The following SAMD12 variants were observed in gnomAD, a reference collection of about 807,000 sequenced individuals.
SAMD12 encodes sterile alpha motif domain containing 12.
In SAMD12, 9 loss-of-function variants were observed where a neutral mutation model predicts 15.0. That is an observed-to-expected ratio of 0.60 (90% CI 0.36 to 1.05). SAMD12 has a LOEUF of 1.05. SAMD12 is among the 50% of genes least tolerant of loss of function. SAMD12 has a pLI of 0.01. For synonymous variants in SAMD12, 86 were observed against 90.1 expected (o/e 0.96, Z 0.25); for missense variants, 230 against 234.2 (o/e 0.98, Z 0.12).
intron 4 of SAMD12, among the ~76,000 whole-genome samples, chr8:118,306,967 C>G (rs992076269): frequency 6.6e-6 from 1 of 152,172 alleles, no homozygotes. Flanking sequence ...TCTCTGAAAG[C>G]AGGGTAAGAT....
intron 3 of SAMD12, among the ~76,000 whole-genome samples, chr8:118,413,049 G>A (rs1282057632): frequency 6.6e-6 from 1 of 152,112 alleles, no homozygotes; most frequent in African/African-American, 2.4e-5. Context: ...GTCTGCTGGA[G>A]GGCAAGAAGC....
intron 4 of SAMD12, among the ~76,000 whole-genome samples, chr8:118,304,758 T>A (rs952430705): frequency 1.3e-4 from 7 of 53,844 alleles, no homozygotes; most frequent in Admixed American, 5.6e-4. Flanking sequence ...AGACTCCATC[T>A]CATAAATAAA....
chr8:118,155,834 G>A, the SAMD12 span, among the ~76,000 whole-genome samples: 6 of 152,180 alleles, frequency 3.9e-5, no homozygotes, highest in Non-Finnish European at 7.3e-5. Flanking sequence ...AGTTGAATAA[G>A]GTGAAGCAGC....
intron 4 of SAMD12, among the ~76,000 whole-genome samples, chr8:118,251,127 G>A (rs1344466746): frequency 6.6e-6 from 1 of 152,142 alleles, no homozygotes; most frequent in Non-Finnish European, 1.5e-5. Flanking sequence ...TGCCGTGAGT[G>A]AGAAACAGGA....
Position 118,478,532 on chromosome 8 carries a change from T to C in SAMD12, c.193-38571A>G, listed in dbSNP as rs944145968. The stretch of plus-strand genomic sequence containing the variant: ...AAACATTTCTAAAGCACATTAGATA[T>C]AGTAAATAGTCATCATGACAACTCA... On this transcript the variant is annotated intron_variant, in intron 2 of 3. Transcript: ENST00000314727. Among the ~76,000 whole-genome samples, 9 of 152,234 alleles carry C rather than the reference T, an allele frequency of 5.9e-5. No homozygotes were observed. The South Asian group carries it at 6.2e-4, about 11-fold the overall frequency.
chr8:118,259,717 T>A (rs1333317706), intron 4 of SAMD12, among the ~76,000 whole-genome samples: 1 of 152,072 alleles, frequency 6.6e-6, no homozygotes, highest in Non-Finnish European at 1.5e-5. Flanking sequence ...GAGAGTTCAA[T>A]TTTACTGTAC....
intron 4 of SAMD12, among the ~76,000 whole-genome samples, chr8:118,314,783 C>T (rs1330429305): frequency 6.6e-6 from 1 of 151,990 alleles, no homozygotes; most frequent in East Asian, 1.9e-4. Flanking sequence ...ACTGTACATC[C>T]TTACACCCAC....
intron 4 of SAMD12, among the ~76,000 whole-genome samples, chr8:118,260,290 CCTT>C (rs1813047717): frequency 6.6e-6 from 1 of 152,076 alleles, no homozygotes; most frequent in Admixed American, 6.6e-5. Flanking sequence ...TATTCTTCCT[CCTT>C]CTCCCATCAG....
chr8:118,275,100 T>C lies in SAMD12; in HGVS notation c.434-77368A>G, dbSNP rs151002666. 2.0e-5 allele frequency among the ~76,000 whole-genome samples: 3 copies of C among 152,334 alleles called. No homozygotes were observed. In the East Asian group the frequency reaches 5.8e-4, roughly 29 times the overall value. On this transcript the variant is annotated intron_variant, in intron 4 of 4. Transcript: ENST00000409003. The stretch of plus-strand genomic sequence containing the variant: ...GAGAGTGATGTTTGCTCTATGTCTA[T>C]TGTAGACATACTTTATCAGGTTAAG...
chr8:118,571,540 AT>A (rs1212437315), intron 2 of SAMD12, among the ~76,000 whole-genome samples: 1 of 152,196 alleles, frequency 6.6e-6, no homozygotes, highest in East Asian at 1.9e-4. Flanking sequence ...AGTAGGCTGT[AT>A]AAAAAGTGGT....
chr8:118,469,531 T>TATTATATATTATATATAA (rs1230688616), intron 2 of SAMD12, among the ~76,000 whole-genome samples: 1 of 2,698 alleles, frequency 3.7e-4, no homozygotes, highest in Non-Finnish European at 1.7e-3. Flanking sequence ...ATATAATATA[T>TATTATATATTATATATAA]TATATATATT....
intron 2 of SAMD12, among the ~76,000 whole-genome samples, chr8:118,544,672 T>A (rs1163945052): frequency 6.6e-6 from 1 of 152,176 alleles, no homozygotes; most frequent in South Asian, 2.1e-4. Flanking sequence ...CCAAAAACCA[T>A]GCAAGCAGAG....
At chr8:118,480,694 C>T (rs79518846) in intron 2 of SAMD12, among the ~76,000 whole-genome samples, 1,955 of 152,274 alleles carry the variant, frequency 0.013, 42 homozygotes, top group African/African-American at 0.045. Context: ...ACATCAGAAA[C>T]TGCAGCCCTT....
At chr8:118,488,250 G>A (rs1043054117) in intron 2 of SAMD12, among the ~76,000 whole-genome samples, 2 of 151,846 alleles carry the variant, frequency 1.3e-5, no homozygotes, top group Non-Finnish European at 2.9e-5. Flanking sequence ...ATGACAAGTT[G>A]CATCATCTGA....
intron 2 of SAMD12, among the ~76,000 whole-genome samples, chr8:118,480,206 C>T (rs1824086759): frequency 1.3e-5 from 2 of 152,114 alleles, no homozygotes; most frequent in East Asian, 3.9e-4. Context: ...TGCCACATGT[C>T]CTAAGTGAAA....
Position 118,505,374 on chromosome 8 carries a change from T to C in SAMD12, c.193-65413A>G, listed in dbSNP as rs1312947502. Among the ~76,000 whole-genome samples, 3 of 150,334 alleles carry C rather than the reference T, an allele frequency of 2.0e-5. No individual in the cohort carries two copies. In the East Asian group the frequency reaches 5.9e-4, roughly 30 times the overall value. ...TTTTTTTTTTTTCAGGGCAGTATCATGGAAACTACACATCCCAGGCTCCTT... is the reference window on the plus strand; with the variant it reads ...TTTTTTTTTTTTCAGGGCAGTATCACGGAAACTACACATCCCAGGCTCCTT... On this transcript the variant is annotated intron_variant, in intron 2 of 3. Transcript: ENST00000314727.
intron 2 of SAMD12, among the ~76,000 whole-genome samples, chr8:118,510,415 A>C (rs1825046855): frequency 6.6e-6 from 1 of 152,208 alleles, no homozygotes; most frequent in Non-Finnish European, 1.5e-5. Flanking sequence ...AATAATTTTT[A>C]AAAACAGAAA....
rs1213751805 is a variant in SAMD12, at chr8:118,487,425, T to C, written c.193-47464A>G. 2.6e-5 allele frequency among the ~76,000 whole-genome samples: 4 copies of C among 152,244 alleles called. No individual in the cohort carries two copies. In the East Asian group the frequency reaches 5.8e-4, roughly 22 times the overall value. On this transcript the variant is annotated intron_variant, in intron 2 of 3. Transcript: ENST00000314727. ...CCACACTGAACGTACATCAGATACC[T>C]TCATTATTTCAGAGTTCCCCTAGTC...
At chr8:118,172,277 G>A in the SAMD12 span, among the ~76,000 whole-genome samples, 1 of 151,716 alleles carries the variant, frequency 6.6e-6, no homozygotes, top group Non-Finnish European at 1.5e-5. Flanking sequence ...AAACTAAAAT[G>A]AGGGAATTGT....
Sources: allele counts gnomAD v4.1 joint callset (sites outside exome capture counted in the v4.1 genomes callset), GRCh38; gene constraint gnomAD v4.1.1; transcripts MANE v1.5; gene names NCBI Gene and HGNC (gene_info 2026-07-23, HGNC 2026-07-21).